AGR3: variants seen among roughly 807,000 people sequenced by gnomAD.
AGR3 encodes anterior gradient protein 3.
In AGR3, 37 loss-of-function variants were observed where a neutral mutation model predicts 24.5. That is an observed-to-expected ratio of 1.51 (90% CI 1.16 to 1.99). The LOEUF (loss-of-function observed/expected upper bound fraction) is 1.99, where lower values mean the gene tolerates loss of function less well. Ranked by LOEUF, AGR3 falls within the 30% of genes most tolerant of loss-of-function variation. AGR3 has a pLI of 0.00. For missense variants in AGR3, 228 were observed against 191.1 expected (o/e 1.19, Z -1.14); for synonymous variants, 75 against 61.6 (o/e 1.22, Z -1.02).
rs149030715 is a variant in AGR3, at chr7:16,873,472, T to G, written c.173+308A>C. 2.3e-3 allele frequency: 544 copies of G among 236,708 alleles called. 3 individuals are homozygous for G. The highest frequency in any genetic ancestry group is 0.011 in the African/African-American group (510 of 44,516). The allele number at this position is 236,708 out of a possible 1,614,324, so 14.7% of individuals were successfully genotyped here. The stretch of plus-strand genomic sequence containing the variant: ...CAGAGCTGGAAGGATAAGGAGAGGT[T>G]GATTAATAGATGCAAAAATATAGCT... On this transcript the variant is annotated intron_variant, in intron 3 of 7. Coordinates refer to ENST00000310398, the MANE Select transcript of AGR3 (RefSeq NM_176813.5).
Position 16,859,506 on chromosome 7 carries a change from A to G in AGR3, c.*76T>C. The G allele has an allele frequency of 2.2e-6, 2 of 926,752 alleles. No homozygotes were observed. The highest frequency in any genetic ancestry group is 1.5e-5 in the South Asian group (1 of 66,426). 57.4% of individuals were successfully genotyped at this position (926,752 alleles called of 1,614,324 possible). Reference sequence around the variant, plus strand: ...ACAAAATCTATATACTTGCACATTTAGTATTTGTCAATGTGCCAGAGGTTT... The same window carrying G: ...ACAAAATCTATATACTTGCACATTTGGTATTTGTCAATGTGCCAGAGGTTT... On this transcript the variant is annotated 3_prime_UTR_variant, in exon 8 of 8. Transcript: ENST00000310398.
In AGR3 at chr7:16,873,792, TAA is replaced by T. The variant is rs1178964147; in HGVS notation, c.159_160del (p.Phe53LeufsTer6). On this transcript the variant is annotated frameshift_variant, in exon 3 of 8. Coordinates refer to ENST00000310398, the MANE Select transcript of AGR3 (RefSeq NM_176813.5). LOFTEE classifies it high-confidence loss of function. ...AGAAGCATGTTACCTTTTTTGAGCATAAAAGAGACCTTCTTCATAAGTTTGTA... is the reference window on the plus strand; with the variant it reads ...AGAAGCATGTTACCTTTTTTGAGCATAAGAGACCTTCTTCATAAGTTTGTA... The T allele has an allele frequency of 6.2e-7, 1 of 1,612,386 alleles. No individual in the cohort carries two copies. The highest frequency in any genetic ancestry group is 8.5e-7 in the Non-Finnish European group (1 of 1,178,664).
Position 16,861,382 on chromosome 7 carries a change from A to G in AGR3, c.367+2T>C, listed in dbSNP as rs1220888981. Reference sequence around the variant, plus strand: ...TCTGATGAAATGAGATCACATACATACCTACAAACATGATTCTAGGCACAT... The same window carrying G: ...TCTGATGAAATGAGATCACATACATGCCTACAAACATGATTCTAGGCACAT... On this transcript the variant is annotated splice_donor_variant, in intron 6 of 7. Coordinates refer to ENST00000310398, the MANE Select transcript of AGR3 (RefSeq NM_176813.5). LOFTEE classifies it high-confidence loss of function. 1.9e-6 allele frequency: 3 copies of G among 1,603,590 alleles called. No individual in the cohort carries two copies. The highest frequency in any genetic ancestry group is 2.7e-5 in the African/African-American group (2 of 74,364).
At chr7:16,866,862 A>T (rs916689314) in intron 3 of AGR3, among the ~76,000 whole-genome samples, 1 of 152,136 alleles carries the variant, frequency 6.6e-6, no homozygotes, top group Non-Finnish European at 1.5e-5. Context: ...TTTTCCATTT[A>T]AAAGAATATT....
intron 3 of AGR3, chr7:16,865,298 T>A: frequency 9.2e-7 from 1 of 1,089,056 alleles, no homozygotes; most frequent in Non-Finnish European, 1.4e-6. Context: ...GGAGGCTGTT[T>A]ATTGCACTTC....
At chr7:16,858,464 A>G (rs971648139), downstream of AGR3, among the ~76,000 whole-genome samples, 2 of 152,242 alleles carry the variant, frequency 1.3e-5, no homozygotes, top group Non-Finnish European at 2.9e-5. Context: ...TGATCATTTC[A>G]GAATAAATAT....
At chr7:16,866,237 A>G (rs1781755779) in intron 3 of AGR3, 4 of 522,490 alleles carry the variant, frequency 7.7e-6, no homozygotes, top group East Asian at 8.9e-5. Flanking sequence ...CTAGAAAATC[A>G]TTGAATGATG....
At chr7:16,874,101 T>C (rs1225926317) in intron 2 of AGR3, among the ~76,000 whole-genome samples, 1 of 152,190 alleles carries the variant, frequency 6.6e-6, no homozygotes, top group Non-Finnish European at 1.5e-5. Flanking sequence ...CAATACATGT[T>C]GTTATGATTA....
intron 5 of AGR3, 39 bp from the exon 6 acceptor site, chr7:16,861,486 A>G (rs753401802): frequency 1.9e-6 from 3 of 1,541,440 alleles, no homozygotes; most frequent in Admixed American, 1.8e-5. Flanking sequence ...TATTGGATTC[A>G]TTTGTTTTTG....
intron 3 of AGR3, among the ~76,000 whole-genome samples, chr7:16,867,222 A>G (rs1583839704): frequency 6.6e-6 from 1 of 152,188 alleles, no homozygotes; most frequent in East Asian, 1.9e-4. Flanking sequence ...ATGGATACAA[A>G]TTTATTTGTT....
intron 4 of AGR3, among the ~76,000 whole-genome samples, chr7:16,862,355 C>T (rs983796642): frequency 1.3e-5 from 2 of 152,096 alleles, no homozygotes; most frequent in African/African-American, 4.8e-5. Flanking sequence ...TACACCTTCT[C>T]AGCTCACCCC....
intron 2 of AGR3, among the ~76,000 whole-genome samples, chr7:16,875,107 T>G (rs1562551147): frequency 1.1e-5 from 1 of 93,664 alleles, no homozygotes; most frequent in Admixed American, 1.3e-4. Context: ...AGAGCGAGAC[T>G]CCATCTCAAA....
At chr7:16,862,187 C>T (rs1781664029) in intron 4 of AGR3, 127 bp from the exon 5 acceptor site, 1 of 701,700 alleles carries the variant, frequency 1.4e-6, no homozygotes, top group Non-Finnish European at 2.4e-6. Context: ...ATTAATAGTT[C>T]ATTGGCCTAT....
intron 3 of AGR3, among the ~76,000 whole-genome samples, chr7:16,867,658 C>T (rs904131966): frequency 6.6e-5 from 10 of 152,172 alleles, no homozygotes; most frequent in African/African-American, 2.2e-4. Flanking sequence ...TCCCCATCCT[C>T]ACCCCCAGAC....
At chr7:16,878,731 TG>T in intron 1 of AGR3, 86 bp from the exon 2 acceptor site, 2 of 977,598 alleles carry the variant, frequency 2.0e-6, no homozygotes, top group South Asian at 3.0e-5. Context: ...GGACCAATAC[TG>T]TGATGACAGA....
chr7:16,856,883 T>A (rs563520116), downstream of AGR3, among the ~76,000 whole-genome samples: 5 of 152,020 alleles, frequency 3.3e-5, no homozygotes, highest in African/African-American at 1.2e-4. Flanking sequence ...GTCCTACATT[T>A]CCAAAGTAGG....
downstream of AGR3, among the ~76,000 whole-genome samples, chr7:16,855,042 A>G (rs915461174): frequency 6.6e-6 from 1 of 152,232 alleles, no homozygotes; most frequent in African/African-American, 2.4e-5. Context: ...TATGGGGTAC[A>G]TAATGTTATG....
At chr7:16,865,592 T>G (rs2115303536) in intron 3 of AGR3, 4 of 725,130 alleles carry the variant, frequency 5.5e-6, no homozygotes, top group South Asian at 3.0e-5. Flanking sequence ...GAACTTCATG[T>G]AAAGTATGAG....
chr7:16,871,702 C>T (rs1258852061), intron 3 of AGR3, among the ~76,000 whole-genome samples: 1 of 152,032 alleles, frequency 6.6e-6, no homozygotes, highest in Non-Finnish European at 1.5e-5. Context: ...ATTAGCTGGG[C>T]ATGGTGGCAT....
Sources: allele counts gnomAD v4.1 joint callset (sites outside exome capture counted in the v4.1 genomes callset), GRCh38; gene constraint gnomAD v4.1.1; transcripts MANE v1.5; gene names NCBI Gene and HGNC (gene_info 2026-07-23, HGNC 2026-07-21).